ZNF624: variants seen among roughly 807,000 people sequenced by gnomAD.
ZNF624 encodes the protein zinc finger protein 624.
In ZNF624, 43 loss-of-function variants were observed where a neutral mutation model predicts 74.7. The ratio of observed to expected loss-of-function variants is 0.58; its 90% CI spans 0.45 to 0.74. The LOEUF (loss-of-function observed/expected upper bound fraction) is 0.74. Ranked by LOEUF, ZNF624 falls within the 30% of genes least tolerant of loss-of-function variation. The pLI is 0.00. For missense variants in ZNF624, 820 were observed against 1,030.0 expected, an observed-to-expected ratio of 0.80 and a Z score of 2.79; for synonymous variants, 331 against 341.3, an observed-to-expected ratio of 0.97 and a Z score of 0.33.
At chr17:16,616,709 G>A (rs1908798462), downstream of ZNF624, 3 of 493,024 alleles carry the variant, frequency 6.1e-6, no homozygotes, top group African/African-American at 2.0e-5. Context: ...CATCCAATTT[G>A]GCCACATATC....
chr17:16,624,252 C>G lies in ZNF624; in HGVS notation c.634G>C (p.Glu212Gln), dbSNP rs1485739736. The change falls in exon 6 of 6, where the codon GAA becomes CAA. Residue 212 changes from glutamate to glutamine, a missense_variant. Transcript: ENST00000311331. The part of the protein sequence containing the change: ...GFRFESILIP[E>Q]PGIATEELHS... Reference sequence around the variant, plus strand: ...AGCTCTTCTGTGGCAATGCCTGGTTCTGGAATAAGAATAGATTCAAATCTA... The same window carrying G: ...AGCTCTTCTGTGGCAATGCCTGGTTGTGGAATAAGAATAGATTCAAATCTA... The G allele has an allele frequency of 2.5e-6, 4 of 1,614,036 alleles. No homozygotes were observed. The African/African-American group carries it at 5.3e-5, about 22-fold the overall frequency.
chr17:16,630,986 ATACTCAATACC>A (rs1302482898), intron 5 of ZNF624, among the ~76,000 whole-genome samples: 1 of 19,052 alleles, frequency 5.2e-5, no homozygotes, highest in Non-Finnish European at 8.4e-5. Context: ...ATTGTACTCA[ATACTCAATACC>A]TACCTATAGG....
chr17:16,649,714 C>G lies in ZNF624; in HGVS notation c.31G>C (p.Glu11Gln). 6.2e-7 allele frequency: 1 copy of G among 1,613,986 alleles called. No homozygotes were observed. The highest frequency in any genetic ancestry group is 8.5e-7 in the Non-Finnish European group (1 of 1,179,900). ...ATAATCTCTCCCTCTGGTTTCCCCT[C>G]TCTGGAAAGAGTGGAGTCTTGCAAA... MSLQDSTLSR[E>Q]GKPEGEIMAA... Residue 11 changes from glutamate to glutamine, a missense_variant, in exon 2 of 6, where the codon GAG becomes CAG. Physicochemically the swap from Glu to Gln is conservative, Grantham distance 29 (BLOSUM62 2). Transcript: ENST00000311331.
At chr17:16,625,653 A>G (rs1403051044) in intron 5 of ZNF624, among the ~76,000 whole-genome samples, 1 of 152,212 alleles carries the variant, frequency 6.6e-6, no homozygotes, top group African/African-American at 2.4e-5. Context: ...TCAAAAGTTA[A>G]TATTTATACT....
intron 3 of ZNF624, among the ~76,000 whole-genome samples, chr17:16,635,184 T>C (rs1387639549): frequency 2.0e-5 from 3 of 152,224 alleles, no homozygotes; most frequent in African/African-American, 2.4e-5. Context: ...TTCTAATCTA[T>C]AGACTATGAC....
chr17:16,615,950 C>A (rs1908781656), downstream of ZNF624, among the ~76,000 whole-genome samples: 1 of 74,560 alleles, frequency 1.3e-5, no homozygotes, highest in Non-Finnish European at 2.6e-5. Context: ...AAATCTATTC[C>A]ATATACATAT....
intron 1 of ZNF624, 60 bp from the exon 2 acceptor site, chr17:16,649,806 A>C (rs974476204): frequency 2.1e-6 from 3 of 1,396,524 alleles, no homozygotes; most frequent in Non-Finnish European, 3.0e-6. Context: ...AGACTCACCA[A>C]GTTGGAATCC....
chr17:16,649,974 A>G (rs965968169), intron 1 of ZNF624, among the ~76,000 whole-genome samples: 17 of 152,186 alleles, frequency 1.1e-4, no homozygotes, highest in Non-Finnish European at 1.5e-4. Flanking sequence ...AGGTTTTAAA[A>G]TACTTTCTCA....
downstream of ZNF624, chr17:16,617,875 G>A (rs1908824455): frequency 1.3e-6 from 2 of 1,599,040 alleles, no homozygotes; most frequent in South Asian, 1.1e-5. Flanking sequence ...ATGTAGACGC[G>A]CGGCATGTCC....
In ZNF624 at chr17:16,624,617, T is replaced by C. The variant is rs906872626; in HGVS notation, c.377-108A>G. On this transcript the variant is annotated intron_variant, in intron 5 of 5. Transcript: ENST00000311331. ...TACATGGATAATGAATATATGGTTTTAATTGCTTTCACACTGACTTGTTTT... is the reference window on the plus strand; with the variant it reads ...TACATGGATAATGAATATATGGTTTCAATTGCTTTCACACTGACTTGTTTT... 87 of 1,050,974 alleles carry C rather than the reference T, an allele frequency of 8.3e-5. 1 individual carries two copies. The East Asian group carries it at 2.3e-3, about 27-fold the overall frequency. The allele number at this position is 1,050,974 out of a possible 1,614,324, so 65.1% of individuals were successfully genotyped here. A position where few individuals can be genotyped will look rare whatever the true frequency, so the allele number is the denominator to read the frequency against.
intron 5 of ZNF624, among the ~76,000 whole-genome samples, chr17:16,626,209 C>T (rs1330362026): frequency 6.6e-6 from 1 of 152,304 alleles, no homozygotes; most frequent in East Asian, 1.9e-4. Context: ...CCTCGGCCTT[C>T]CAAAGTGCTG....
At chr17:16,641,009 G>A (rs1395879019) in intron 3 of ZNF624, among the ~76,000 whole-genome samples, 1 of 151,894 alleles carries the variant, frequency 6.6e-6, no homozygotes, top group African/African-American at 2.4e-5. Flanking sequence ...CAGCCAAATG[G>A]GAATTATCTT....
intron 3 of ZNF624, among the ~76,000 whole-genome samples, chr17:16,641,163 A>C (rs1457390525): frequency 6.6e-6 from 1 of 152,244 alleles, no homozygotes; most frequent in African/African-American, 2.4e-5. Flanking sequence ...AACCTGATAA[A>C]GACTCTCTAT....
chr17:16,617,486 C>G, downstream of ZNF624: 1 of 1,602,702 alleles, frequency 6.2e-7, no homozygotes, highest in Non-Finnish European at 8.5e-7. Context: ...ACTTAACCTG[C>G]TTGTCGCATA....
At chr17:16,635,280 G>A (rs897453135) in intron 3 of ZNF624, among the ~76,000 whole-genome samples, 2 of 152,008 alleles carry the variant, frequency 1.3e-5, no homozygotes, top group East Asian at 1.9e-4. Flanking sequence ...AAAAAAAATC[G>A]AGGAACTTTG....
At position 16,623,726 on chromosome 17, in the gene ZNF624, G is replaced by A. The variant is rs1375655655; in HGVS notation, c.1160C>T (p.Pro387Leu). The A allele has an allele frequency of 1.2e-6, 2 of 1,613,524 alleles. No individual in the cohort carries two copies. The highest frequency in any genetic ancestry group is 3.3e-5 in the Admixed American group (2 of 59,898). ...QHQRIQTGEKPYKCSECGKAF... is the reference protein window; with the variant it reads ...QHQRIQTGEKLYKCSECGKAF... The stretch of plus-strand genomic sequence containing the variant: ...TTTCCCGCATTCACTACATTTATAG[G>A]GTTTCTCTCCAGTTTGAATTCTCTG... The change falls in exon 6 of 6, where the codon CCC becomes CTC. Residue 387 changes from proline to leucine, a missense_variant. By Grantham distance (98) the Pro-to-Leu change is moderately conservative. Coordinates refer to ENST00000311331, the MANE Select transcript of ZNF624 (RefSeq NM_020787.4). This position sits in a 1 kb window ranked among gnomAD's most constrained non-coding sequence, Gnocchi z 5.3.
chr17:16,649,836 ACCTC>A, intron 1 of ZNF624, 90 bp from the exon 2 acceptor site: 2 of 986,134 alleles, frequency 2.0e-6, no homozygotes, highest in Non-Finnish European at 3.2e-6. Context: ...AGTGAGCATG[ACCTC>A]CCTAAGGAAG....
intron 5 of ZNF624, among the ~76,000 whole-genome samples, chr17:16,630,664 TAAC>T (rs1909185438): frequency 6.6e-6 from 1 of 151,882 alleles, no homozygotes; most frequent in Non-Finnish European, 1.5e-5. Context: ...ACTATACAAA[TAAC>T]AACCAAAAGA....
At chr17:16,616,897 C>T, downstream of ZNF624, 1 of 1,488,472 alleles carries the variant, frequency 6.7e-7, no homozygotes, top group South Asian at 1.3e-5. Context: ...TGAGCGAGAT[C>T]TAGAACAGGA....
Sources: allele counts gnomAD v4.1 joint callset (sites outside exome capture counted in the v4.1 genomes callset), GRCh38; gene constraint gnomAD v4.1.1; non-coding constraint Gnocchi (gnomAD v3.1); transcripts MANE v1.5; gene names NCBI Gene and HGNC (gene_info 2026-07-23, HGNC 2026-07-21).